GMNC: variants seen among roughly 807,000 people sequenced by gnomAD.
The protein encoded by GMNC is geminin coiled-coil domain-containing protein 1.
Under a neutral mutation model 33.6 loss-of-function variants are expected in GMNC, and 16 were observed. That is an observed-to-expected ratio of 0.48 (90% CI 0.32 to 0.72). The LOEUF is 0.72. GMNC is among the 30% of genes least tolerant of loss of function. The pLI, the probability that GMNC is intolerant of heterozygous loss-of-function variation, is 0.03. For missense variants in GMNC, 393 were observed against 388.9 expected, an observed-to-expected ratio of 1.01 and a Z score of -0.09; for synonymous variants, 156 against 147.3, an observed-to-expected ratio of 1.06 and a Z score of -0.43.
intron 3 of GMNC, chr3:190,858,192 C>A: frequency 3.2e-6 from 1 of 316,052 alleles, no homozygotes; most frequent in Non-Finnish European, 5.8e-6. Flanking sequence ...AAATGAGCTG[C>A]ATGCAACTGT....
chr3:190,851,467 G>C (rs1423347802), downstream of GMNC, among the ~76,000 whole-genome samples: 4 of 152,130 alleles, frequency 2.6e-5, no homozygotes, highest in Non-Finnish European at 5.9e-5. Flanking sequence ...AACTATACTG[G>C]AAATATAAAC....
the GMNC span, among the ~76,000 whole-genome samples, chr3:190,845,508 C>CTTTTTTTT: frequency 4.0e-3 from 497 of 125,756 alleles, 22 homozygotes; most frequent in African/African-American, 0.012. Flanking sequence ...ATTTTGAAAC[C>CTTTTTTTT]TTTTTTTTTT....
At chr3:190,849,435 G>C (rs1737600432), downstream of GMNC, among the ~76,000 whole-genome samples, 2 of 152,186 alleles carry the variant, frequency 1.3e-5, no homozygotes, top group African/African-American at 4.8e-5. Context: ...AAAATGAAAG[G>C]AAGGTGTGTT....
chr3:190,855,238 A>G lies in GMNC; in HGVS notation c.*57T>C. ...GTTCCACATAGTCAAATTCAAGTGC[A>G]AGAGAGGTCTTTGTAAACAGAGTTC... On this transcript the variant is annotated 3_prime_UTR_variant, in exon 5 of 5. Transcript: ENST00000442080. The G allele has an allele frequency of 6.6e-7, 1 of 1,504,612 alleles. No individual in the cohort carries two copies. Among genetic ancestry groups the G allele is most frequent in the South Asian group, 1.3e-5 (1 of 78,424 alleles). 93.2% of individuals were successfully genotyped at this position (1,504,612 alleles called of 1,614,324 possible). A position where few individuals can be genotyped will look rare whatever the true frequency, so the allele number is the denominator to read the frequency against.
rs148749428 is a variant in GMNC, at chr3:190,855,287, AG to A, written c.*7del. 2.8e-3 allele frequency: 4,288 copies of A among 1,549,580 alleles called. 130 individuals are homozygous for A. The African/African-American group carries it at 0.053, about 19-fold the overall frequency. On this transcript the variant is annotated 3_prime_UTR_variant, in exon 5 of 5. Coordinates refer to ENST00000442080, the MANE Select transcript of GMNC (RefSeq NM_001146686.3). The stretch of plus-strand genomic sequence containing the variant: ...TCGTGGCAGTGCTTTGTGATAAAAG[AG>A]GGGTCACTAAGACTGCTTAGGGACC...
downstream of GMNC, among the ~76,000 whole-genome samples, chr3:190,852,179 A>G (rs1737645201): frequency 6.6e-6 from 1 of 152,154 alleles, no homozygotes; most frequent in African/African-American, 2.4e-5. Flanking sequence ...AAGATGTAAT[A>G]TTTATCAAAA....
At chr3:190,845,635 G>A in the GMNC span, among the ~76,000 whole-genome samples, 7 of 148,166 alleles carry the variant, frequency 4.7e-5, no homozygotes, top group African/African-American at 1.5e-4. Context: ...TCAGCCTCCC[G>A]AGTAGCTGGG....
At position 190,861,477 on chromosome 3, in the gene GMNC, T is replaced by C. The variant is rs912534747; in HGVS notation, c.4-619A>G. 3.3e-5 allele frequency among the ~76,000 whole-genome samples: 5 copies of C among 151,892 alleles called. No homozygotes were observed. Among genetic ancestry groups the C allele is most frequent in the Non-Finnish European group, 5.9e-5 (4 of 67,984 alleles). ...TATCATCTATCTATCTATCTATCTA[T>C]CTATCTATCTATCTATCTATCTATC... On this transcript the variant is annotated intron_variant, in intron 1 of 4. Coordinates refer to ENST00000442080, the MANE Select transcript of GMNC (RefSeq NM_001146686.3). The surrounding 1 kb of genome is among the most constrained non-coding windows in gnomAD (Gnocchi z 5.1).
downstream of GMNC, among the ~76,000 whole-genome samples, chr3:190,851,691 A>G (rs1577908540): frequency 1.3e-5 from 2 of 152,270 alleles, no homozygotes; most frequent in African/African-American, 2.4e-5. Flanking sequence ...GAAAATTGAC[A>G]TGCTTTTTTT....
chr3:190,849,259 C>T (rs983313187), downstream of GMNC, among the ~76,000 whole-genome samples: 7 of 152,120 alleles, frequency 4.6e-5, no homozygotes, highest in African/African-American at 1.7e-4. Flanking sequence ...CTCTAATTCC[C>T]CAAGGAGGCT....
In GMNC at chr3:190,861,041, A is replaced by G. The variant is rs1014573092; in HGVS notation, c.4-183T>C. On this transcript the variant is annotated intron_variant, in intron 1 of 4. Coordinates refer to ENST00000442080, the MANE Select transcript of GMNC (RefSeq NM_001146686.3). This position sits in a 1 kb window ranked among gnomAD's most constrained non-coding sequence, Gnocchi z 5.1. ...GGGGTGGTCAAATTATAATTACTAA[A>G]AGGGAATGAGTTTCTTGGTTTACCC... 2.0e-5 allele frequency among the ~76,000 whole-genome samples: 3 copies of G among 152,320 alleles called. No individual in the cohort carries two copies. The East Asian group carries it at 5.8e-4, about 29-fold the overall frequency.
the GMNC span, among the ~76,000 whole-genome samples, chr3:190,844,859 G>A: frequency 1.1e-4 from 16 of 152,030 alleles, no homozygotes; most frequent in Non-Finnish European, 2.9e-5. Flanking sequence ...ATTATTTGGA[G>A]GAATACAGAA....
rs1186763421 is a variant in GMNC, at chr3:190,855,560, C to A, written c.740G>T (p.Gly247Val). ...GCTGTGCAAGGGGGTTGTTCTGTCA[C>A]CTCTATAGTCAATTGGCATATCCTC... ...PREDMPIDYR[G>V]DRTTPLHSTA... Residue 247 changes from glycine (G) to valine (V), a missense_variant, in exon 5 of 5, where the codon GGT (glycine) becomes GTT (valine). Coordinates refer to ENST00000442080, the MANE Select transcript of GMNC (RefSeq NM_001146686.3). 4.5e-6 allele frequency: 7 copies of A among 1,551,464 alleles called. No individual in the cohort carries two copies. Among genetic ancestry groups the A allele is most frequent in the Non-Finnish European group, 6.1e-6 (7 of 1,146,910 alleles).
intron 4 of GMNC, among the ~76,000 whole-genome samples, chr3:190,857,286 T>A (rs1383154182): frequency 6.6e-6 from 1 of 151,854 alleles, no homozygotes; most frequent in Non-Finnish European, 1.5e-5. Context: ...ATATAATTTG[T>A]AAATGCCAAA....
intron 2 of GMNC, 62 bp from the exon 3 acceptor site, chr3:190,859,078 CT>C: frequency 9.9e-7 from 1 of 1,010,888 alleles, no homozygotes; most frequent in Non-Finnish European, 1.5e-6. Context: ...AATAAAGAAA[CT>C]TATCAAATCA....
chr3:190,847,515 C>T, the GMNC span, among the ~76,000 whole-genome samples: 5,688 of 152,266 alleles, frequency 0.037, 362 homozygotes, highest in African/African-American at 0.13. Context: ...TGAACAGAAG[C>T]TTCTGCTGAA....
At chr3:190,859,059 T>C (rs1442144857) in intron 2 of GMNC, 43 bp from the exon 3 acceptor site, 2 of 1,205,236 alleles carry the variant, frequency 1.7e-6, no homozygotes, top group South Asian at 1.3e-5. Context: ...AATCTTGTAG[T>C]TTCTGTGTAA....
rs1737805638 is a variant in GMNC at position 190,858,943 on chromosome 3, G to C, written c.252C>G (p.Leu84=). The part of the protein sequence containing the change: ...SWEEAQLSSQ[L]YRNKQLQDTL... ...TTACACATACCTGCTTATTTCTGTA[G>C]AGCTGAGAGGAAAGCTGAGCCTCTT... Residue 84 remains leucine, a synonymous_variant, in exon 3 of 5, where the codon CTC becomes CTG. Coordinates refer to ENST00000442080, the MANE Select transcript of GMNC (RefSeq NM_001146686.3). 6.5e-7 allele frequency: 1 copy of C among 1,548,430 alleles called. No individual in the cohort carries two copies.
chr3:190,860,890 T>G, intron 1 of GMNC, 32 bp from the exon 2 acceptor site: 1 of 1,455,392 alleles, frequency 6.9e-7, no homozygotes, highest in South Asian at 1.4e-5. Flanking sequence ...GAGTGAGGGG[T>G]CCCAAAAGAT....
Sources: gnomAD v4.1 joint callset for allele counts (sites outside exome capture counted in the v4.1 genomes callset) on GRCh38, gnomAD v4.1.1 for gene constraint, Gnocchi (gnomAD v3.1) non-coding constraint, MANE v1.5 for transcripts, NCBI Gene and HGNC (gene_info 2026-07-23, HGNC 2026-07-21) for gene names.